The following BTN2A1 variants were observed in gnomAD, a reference collection of about 807,000 sequenced individuals.
BTN2A1 encodes butyrophilin, subfamily 2, member A1.
Under a neutral mutation model 34.5 loss-of-function variants are expected in BTN2A1, and 41 were observed. That is an observed-to-expected ratio of 1.19 (90% CI 0.93 to 1.54). The LOEUF is 1.54. BTN2A1 is among the 40% of genes most tolerant of loss of function. BTN2A1 has a pLI of 0.00. For synonymous variants in BTN2A1, 267 were observed against 258.6 expected (o/e 1.03, Z -0.31); for missense variants, 642 against 662.0 (o/e 0.97, Z 0.33).
At chr6:26,463,126 TG>T (rs1308734262) in intron 3 of BTN2A1, 117 bp from the exon 4 acceptor site, 48 of 1,261,894 alleles carry the variant, frequency 3.8e-5, no homozygotes, top group South Asian at 3.8e-4. Flanking sequence ...TCCTATTTCT[TG>T]TTTCCTATCT....
At chr6:26,476,030 GA>G in intron 7 of BTN2A1, 1 of 1,048,030 alleles carries the variant, frequency 9.5e-7, no homozygotes, top group Non-Finnish European at 1.4e-6. Flanking sequence ...ATAGTTGAAA[GA>G]TTTTTTTTTA....
chr6:26,467,943 T>C lies in BTN2A1; in HGVS notation c.983-5T>C. The C allele has an allele frequency of 6.2e-7, 1 of 1,609,892 alleles. No individual in the cohort carries two copies. The highest frequency in any genetic ancestry group is 8.5e-7 in the Non-Finnish European group (1 of 1,176,922). ...CCAGGCCTAAACCTGAGACTTCCTC[T>C]GCAGTTGATGTGGTCCTGGATCCAG... On this transcript the variant is annotated splice_region_variant and splice_polypyrimidine_tract_variant and intron_variant, in intron 7 of 7. Transcript: ENST00000312541.
intron 3 of BTN2A1, among the ~76,000 whole-genome samples, chr6:26,460,436 A>G (rs546028574): frequency 6.6e-6 from 1 of 152,364 alleles, no homozygotes; most frequent in South Asian, 2.1e-4. Flanking sequence ...AAGACGAAAT[A>G]CAGAAGCAAA....
intron 7 of BTN2A1, among the ~76,000 whole-genome samples, chr6:26,475,670 G>T (rs913847157): frequency 6.6e-6 from 1 of 152,126 alleles, no homozygotes; most frequent in African/African-American, 2.4e-5. Flanking sequence ...CACTTTGAGA[G>T]GCTGAGTTGG....
chr6:26,471,647 A>G (rs1440064766), downstream of BTN2A1, among the ~76,000 whole-genome samples: 3 of 148,930 alleles, frequency 2.0e-5, no homozygotes, highest in Non-Finnish European at 4.4e-5. Context: ...AAGAAAAGAG[A>G]GAGAAGGAAG....
In BTN2A1 at chr6:26,458,657, G is replaced by T. The variant is rs1379686748; in HGVS notation, c.21G>T (p.Leu7=). 2 of 1,614,068 alleles carry T rather than the reference G, an allele frequency of 1.2e-6. No homozygotes were observed. Among genetic ancestry groups the T allele is most frequent in the South Asian group, 2.2e-5 (2 of 91,084 alleles). Residue 7 remains leucine (L), a synonymous_variant, in exon 2 of 8, where the codon CTG becomes CTT. Transcript: ENST00000312541. ...TGCTCATGGAATCAGCTGCTGCCCTGCACTTCTCCCGGCCAGCCTCCCTCC... is the reference window on the plus strand; with the variant it reads ...TGCTCATGGAATCAGCTGCTGCCCTTCACTTCTCCCGGCCAGCCTCCCTCC... The part of the protein sequence containing the change: MESAAA[L]HFSRPASLLL...
At chr6:26,469,647 A>G (rs9358944), downstream of BTN2A1, 2 of 152,166 alleles carry the variant, frequency 1.3e-5, no homozygotes, top group Non-Finnish European at 2.9e-5. Flanking sequence ...GGCATTGATT[A>G]ACTTTTTCCA....
chr6:26,475,255 A>G (rs1404077313), intron 7 of BTN2A1, among the ~76,000 whole-genome samples: 1 of 152,212 alleles, frequency 6.6e-6, no homozygotes, highest in African/African-American at 2.4e-5. Flanking sequence ...CACCAGTGCA[A>G]CAGGGCTGGT....
intron 2 of BTN2A1, 35 bp from the exon 3 acceptor site, chr6:26,459,446 G>T (rs1400404610): frequency 1.3e-6 from 2 of 1,594,708 alleles, no homozygotes; most frequent in Non-Finnish European, 1.7e-6. Flanking sequence ...GTGATGGCTG[G>T]TGTCTTTGTC....
chr6:26,471,067 C>A (rs6910921), downstream of BTN2A1, among the ~76,000 whole-genome samples: 2 of 152,048 alleles, frequency 1.3e-5, no homozygotes, highest in African/African-American at 4.8e-5. Context: ...CTCAGTAATC[C>A]AGTTGTAAAA....
intron 3 of BTN2A1, chr6:26,462,671 G>A (rs925316298): frequency 8.1e-6 from 4 of 495,656 alleles, no homozygotes; most frequent in African/African-American, 4.0e-5. Context: ...CACCTCCTAT[G>A]GGTGGTAGAA....
chr6:26,468,353 T>C lies in BTN2A1; in HGVS notation c.1388T>C (p.Phe463Ser). The C allele has an allele frequency of 6.2e-7, 1 of 1,612,070 alleles. No individual in the cohort carries two copies. Among genetic ancestry groups the C allele is most frequent in the Non-Finnish European group, 8.5e-7 (1 of 1,177,980 alleles). ...FLDYEAGDVS[F>S]YNMRDRSHIY... The stretch of plus-strand genomic sequence containing the variant: ...GACTATGAAGCTGGAGATGTCTCCT[T>C]CTACAACATGAGGGACAGATCGCAC... Residue 463 changes from phenylalanine (F) to serine (S), a missense_variant, in exon 8 of 8, where the codon TTC (phenylalanine) becomes TCC (serine). Physicochemically the swap from Phe to Ser is radical, Grantham distance 155. Coordinates refer to ENST00000312541, the MANE Select transcript of BTN2A1 (RefSeq NM_007049.5).
intron 4 of BTN2A1, among the ~76,000 whole-genome samples, chr6:26,464,700 G>A (rs769104743): frequency 2.0e-5 from 3 of 152,272 alleles, no homozygotes; most frequent in African/African-American, 4.8e-5. Context: ...AATTCACAGA[G>A]GCAATGAAAA....
At position 26,468,164 on chromosome 6, in the gene BTN2A1, T is replaced by A. The variant is rs1328777228; in HGVS notation, c.1199T>A (p.Val400Glu). 7 of 1,613,868 alleles carry A rather than the reference T, an allele frequency of 4.3e-6. No homozygotes were observed. Among genetic ancestry groups the A allele is most frequent in the Non-Finnish European group, 5.9e-6 (7 of 1,179,982 alleles). The part of the protein sequence containing the change: ...VEVENVIEWT[V>E]GVCRDSVERK... ...GTGGAAAACGTGATTGAGTGGACTG[T>A]GGGGGTCTGTAGAGACAGTGTTGAG... Residue 400 changes from valine to glutamate, a missense_variant, in exon 8 of 8, where the codon GTG becomes GAG. By Grantham distance (121) the Val-to-Glu change is moderately radical (BLOSUM62 -2). Coordinates refer to ENST00000312541, the MANE Select transcript of BTN2A1 (RefSeq NM_007049.5).
intron 3 of BTN2A1, chr6:26,462,872 G>T (rs565916568): frequency 2.2e-5 from 28 of 1,280,066 alleles, no homozygotes; most frequent in East Asian, 5.6e-5. Context: ...CCTGTTTGAA[G>T]TTGGAGTCGA....
rs1352011461 is a variant in BTN2A1 at position 26,465,893 on chromosome 6, A to T, written c.935-60A>T. ...AGGACGGTTCCTGCATTGTTTACTA[A>T]AAACCCAACTTCTTTTAGTTCTTCT... On this transcript the variant is annotated intron_variant, in intron 5 of 7. Coordinates refer to ENST00000312541, the MANE Select transcript of BTN2A1 (RefSeq NM_007049.5). 6.2e-6 allele frequency: 10 copies of T among 1,612,726 alleles called. No homozygotes were observed. The African/African-American group carries it at 1.2e-4, about 19-fold the overall frequency.
At chr6:26,475,632 G>A (rs1763524872) in intron 7 of BTN2A1, among the ~76,000 whole-genome samples, 1 of 152,258 alleles carries the variant, frequency 6.6e-6, no homozygotes, top group Admixed American at 6.5e-5. Context: ...GATCAGCAGG[G>A]CATAGTGGCT....
chr6:26,460,571 T>C (rs915356742), intron 3 of BTN2A1, among the ~76,000 whole-genome samples: 2 of 152,212 alleles, frequency 1.3e-5, no homozygotes, highest in Non-Finnish European at 2.9e-5. Context: ...AAAATGACAT[T>C]AAGTGATTAC....
rs942610156 is a variant in BTN2A1, at chr6:26,476,281, T to C, written c.*149T>C. On this transcript the variant is annotated 3_prime_UTR_variant, in exon 8 of 8. Transcript: ENST00000469185. ...GTTGGAAAGAACTGCTGAGCGGGTCTGTAGAGCCCATCGCTCTCTCCTGTC... is the reference window on the plus strand; with the variant it reads ...GTTGGAAAGAACTGCTGAGCGGGTCCGTAGAGCCCATCGCTCTCTCCTGTC... The C allele has an allele frequency of 3.7e-5, 40 of 1,072,776 alleles. No individual in the cohort carries two copies. In the African/African-American group the frequency reaches 5.8e-4, roughly 16 times the overall value. 66.5% of individuals were successfully genotyped at this position (1,072,776 alleles called of 1,614,324 possible).
Sources: gnomAD v4.1 joint callset for allele counts (sites outside exome capture counted in the v4.1 genomes callset) on GRCh38, gnomAD v4.1.1 for gene constraint, MANE v1.5 for transcripts, NCBI Gene and HGNC (gene_info 2026-07-23, HGNC 2026-07-21) for gene names.